The following CAST variants were observed in gnomAD, a reference collection of about 807,000 sequenced individuals.
The protein encoded by CAST is calpastatin.
In CAST, 76 loss-of-function variants were observed where a neutral mutation model predicts 119.6. The ratio of observed to expected loss-of-function variants is 0.64; its 90% CI spans 0.53 to 0.77. The LOEUF (loss-of-function observed/expected upper bound fraction) is 0.77, where lower values mean the gene tolerates loss of function less well. CAST is among the 30% of genes least tolerant of loss of function. The probability of loss-of-function intolerance (pLI) is 0.00; values close to 1 mark genes in which losing one functional copy is unlikely to be tolerated. For missense variants in CAST, 953 were observed against 946.5 expected (o/e 1.01, Z -0.09); for synonymous variants, 319 against 331.6 (o/e 0.96, Z 0.41).
the CAST span, among the ~76,000 whole-genome samples, chr5:96,235,536 TC>T: frequency 6.6e-6 from 1 of 152,172 alleles, no homozygotes; most frequent in Non-Finnish European, 1.5e-5. Flanking sequence ...TTAGGAGCTG[TC>T]CTAGATTTGG....
At chr5:96,400,461 A>C in the CAST span, among the ~76,000 whole-genome samples, 1 of 152,230 alleles carries the variant, frequency 6.6e-6, no homozygotes, top group African/African-American at 2.4e-5. Context: ...GCAATATAGA[A>C]GTATAAAACT....
chr5:96,603,759 CTTTTTTT>C (rs70981832), intron 1 of CAST, among the ~76,000 whole-genome samples: 5 of 79,500 alleles, frequency 6.3e-5, no homozygotes, highest in Admixed American at 5.5e-4. Flanking sequence ...GTGCTGTACT[CTTTTTTT>C]TTTTTTTTTT....
At chr5:96,768,960 GCTC>G (rs558753168) in intron 29 of CAST, 1 of 152,322 alleles carries the variant, frequency 6.6e-6, no homozygotes, top group East Asian at 1.9e-4. Flanking sequence ...TTACCTCTGT[GCTC>G]CTCATTAGCA....
At chr5:96,550,438 T>A (rs1430432196) in intron 1 of CAST, among the ~76,000 whole-genome samples, 1 of 152,240 alleles carries the variant, frequency 6.6e-6, no homozygotes, top group East Asian at 1.9e-4. Flanking sequence ...CAAAGGTAGA[T>A]AAAACCACAA....
At chr5:96,768,048 G>A in intron 29 of CAST, 49 bp downstream of exon 29, 3 of 1,149,842 alleles carry the variant, frequency 2.6e-6, no homozygotes, top group Non-Finnish European at 2.6e-6. Context: ...GTGTGTGTAT[G>A]TGTACATACA....
chr5:96,148,598 T>C, the CAST span, among the ~76,000 whole-genome samples: 3 of 152,220 alleles, frequency 2.0e-5, no homozygotes, highest in African/African-American at 7.2e-5. Context: ...GAGTCAGCGT[T>C]AGGATAAAAC....
chr5:96,151,728 T>G, the CAST span, among the ~76,000 whole-genome samples: 1 of 152,206 alleles, frequency 6.6e-6, no homozygotes, highest in Non-Finnish European at 1.5e-5. Context: ...TTGAGTGGTT[T>G]TAACCAAGAA....
the CAST span, among the ~76,000 whole-genome samples, chr5:96,232,507 T>C: frequency 2.7e-4 from 41 of 152,052 alleles, no homozygotes; most frequent in African/African-American, 9.7e-4. Flanking sequence ...AGAAAATCTA[T>C]GGAGAAAAGA....
At chr5:96,421,025 T>G in the CAST span, among the ~76,000 whole-genome samples, 234 of 152,300 alleles carry the variant, frequency 1.5e-3, no homozygotes, top group Middle Eastern at 0.014. Flanking sequence ...AAGGAAAGTT[T>G]GAGTGTCTCC....
At chr5:96,741,608 T>A in intron 15 of CAST, 28 bp downstream of exon 15, 1 of 1,506,038 alleles carries the variant, frequency 6.6e-7, no homozygotes, top group Non-Finnish European at 9.2e-7. Context: ...CTGACAGCAG[T>A]TGCTTTCCAG....
At chr5:96,424,668 G>T in the CAST span, among the ~76,000 whole-genome samples, 1 of 152,140 alleles carries the variant, frequency 6.6e-6, no homozygotes, top group Non-Finnish European at 1.5e-5. Context: ...AAATACTTAA[G>T]ATAGTGGCAA....
At chr5:96,704,185 G>A (rs1754477710) in intron 3 of CAST, among the ~76,000 whole-genome samples, 1 of 152,238 alleles carries the variant, frequency 6.6e-6, no homozygotes, top group African/African-American at 2.4e-5. Context: ...ATGCTTTGTA[G>A]ACTGTGAAAC....
chr5:96,327,191 A>G, the CAST span, among the ~76,000 whole-genome samples: 929 of 152,330 alleles, frequency 6.1e-3, 7 homozygotes, highest in African/African-American at 0.021. Context: ...ATAACACCTG[A>G]ATCTCAAATT....
chr5:96,563,176 T>A (rs1322231025), intron 1 of CAST, among the ~76,000 whole-genome samples: 1 of 152,200 alleles, frequency 6.6e-6, no homozygotes, highest in African/African-American at 2.4e-5. Context: ...TAGTTCTTCA[T>A]AACTATTCAC....
At chr5:96,708,008 A>G (rs111869010) in intron 3 of CAST, among the ~76,000 whole-genome samples, 2 of 152,136 alleles carry the variant, frequency 1.3e-5, no homozygotes, top group African/African-American at 4.8e-5. Flanking sequence ...TTTCAGTTAC[A>G]TGTGCTTTTT....
At chr5:96,098,866 A>G in the CAST span, among the ~76,000 whole-genome samples, 1 of 152,170 alleles carries the variant, frequency 6.6e-6, no homozygotes, top group Admixed American at 6.5e-5. Flanking sequence ...AAGAATGGTC[A>G]ATTGTAGTTT....
chr5:96,558,450 G>T (rs1194938007), intron 1 of CAST, among the ~76,000 whole-genome samples: 7 of 151,832 alleles, frequency 4.6e-5, no homozygotes, highest in African/African-American at 9.7e-5. Context: ...ACAAAATTGA[G>T]AGACCACTAG....
the CAST span, among the ~76,000 whole-genome samples, chr5:96,197,637 T>A: frequency 1.3e-5 from 2 of 152,196 alleles, no homozygotes; most frequent in African/African-American, 2.4e-5. Flanking sequence ...GCCATTGCTA[T>A]GTGCCAAGCA....
At chr5:96,518,021 G>T in the CAST span, among the ~76,000 whole-genome samples, 1 of 152,204 alleles carries the variant, frequency 6.6e-6, no homozygotes, top group East Asian at 1.9e-4. Flanking sequence ...TTGCCCAGGG[G>T]CACACAGCTA....
Sources: gnomAD v4.1 joint callset for allele counts (sites outside exome capture counted in the v4.1 genomes callset) on GRCh38, gnomAD v4.1.1 for gene constraint, MANE v1.5 for transcripts, NCBI Gene and HGNC (gene_info 2026-07-23, HGNC 2026-07-21) for gene names.